Variants in NAALADL2 observed in about 807,000 individuals in gnomAD.
The protein encoded by NAALADL2 is N-acetylated alpha-linked acidic dipeptidase like 2, also known as inactive N-acetylated-alpha-linked acidic dipeptidase-like protein 2.
NAALADL2 carries 76 observed loss-of-function variants against 87.2 expected under a neutral mutation model. The observed-to-expected ratio is 0.87, with a 90% CI of 0.72 to 1.05. The LOEUF (loss-of-function observed/expected upper bound fraction) is 1.05. Ranked by LOEUF, NAALADL2 falls within the 50% of genes least tolerant of loss-of-function variation. The pLI, the probability that NAALADL2 is intolerant of heterozygous loss-of-function variation, is 0.00. For missense variants in NAALADL2, 1,089 were observed against 945.8 expected (o/e 1.15, Z -1.99); for synonymous variants, 354 against 331.0 (o/e 1.07, Z -0.75).
intron 3 of NAALADL2, among the ~76,000 whole-genome samples, chr3:174,772,800 G>T (rs1714743217): frequency 6.6e-6 from 1 of 152,168 alleles, no homozygotes; most frequent in African/African-American, 2.4e-5. Flanking sequence ...AAATGACCTT[G>T]TTCATGTCAG....
At chr3:175,696,593 T>A (rs1364345879) in intron 11 of NAALADL2, among the ~76,000 whole-genome samples, 2 of 151,896 alleles carry the variant, frequency 1.3e-5, no homozygotes, top group Non-Finnish European at 2.9e-5. Context: ...GTTTGTGAGA[T>A]GTGAAAGATT....
At chr3:174,600,943 T>G (rs1358656819) in intron 2 of NAALADL2, among the ~76,000 whole-genome samples, 1 of 152,176 alleles carries the variant, frequency 6.6e-6, no homozygotes, top group Non-Finnish European at 1.5e-5. Flanking sequence ...GAATTCAAAC[T>G]ATATCAGTAG....
intron 5 of NAALADL2, among the ~76,000 whole-genome samples, chr3:175,389,415 G>C (rs959428036): frequency 6.6e-6 from 1 of 152,118 alleles, no homozygotes; most frequent in African/African-American, 2.4e-5. Flanking sequence ...GGCTTTATAA[G>C]TTAAGTGTTA....
rs568555071 is a variant in NAALADL2, at chr3:174,933,179, T to C, written c.43+73729T>C. On this transcript the variant is annotated intron_variant, in intron 1 of 13. Coordinates refer to ENST00000454872, the MANE Select transcript of NAALADL2 (RefSeq NM_207015.3). ...GTTGACTCTGCTGAACCTTGCTGCC[T>C]TTTTACCCTTCTAATTAAGGGCATT... Among the ~76,000 whole-genome samples, 7 of 152,312 alleles carry C rather than the reference T, an allele frequency of 4.6e-5. No individual in the cohort carries two copies. In the East Asian group the frequency reaches 1.4e-3, roughly 29 times the overall value.
At chr3:174,760,480 G>A (rs369893385) in intron 3 of NAALADL2, among the ~76,000 whole-genome samples, 14 of 152,166 alleles carry the variant, frequency 9.2e-5, no homozygotes, top group African/African-American at 2.7e-4. Context: ...AGGGACTGTG[G>A]ACAGTCCAGA....
At chr3:175,214,406 T>C (rs990286748) in intron 2 of NAALADL2, among the ~76,000 whole-genome samples, 2 of 152,198 alleles carry the variant, frequency 1.3e-5, no homozygotes, top group African/African-American at 4.8e-5. Flanking sequence ...AAAGGATGGA[T>C]TCCGTCATGA....
intron 2 of NAALADL2, among the ~76,000 whole-genome samples, chr3:174,652,714 A>G (rs1724499577): frequency 6.6e-6 from 1 of 152,220 alleles, no homozygotes; most frequent in African/African-American, 2.4e-5. Flanking sequence ...GCCAAACCAT[A>G]TCACATAAAG....
chr3:175,417,243 C>G (rs976716873), intron 5 of NAALADL2, among the ~76,000 whole-genome samples: 3 of 151,470 alleles, frequency 2.0e-5, no homozygotes, highest in Non-Finnish European at 4.4e-5. Flanking sequence ...TGCATCTACT[C>G]TAATTAATTA....
intron 13 of NAALADL2, among the ~76,000 whole-genome samples, chr3:175,779,681 T>C (rs1560002393): frequency 6.6e-6 from 1 of 152,228 alleles, no homozygotes; most frequent in South Asian, 2.1e-4. Flanking sequence ...GGGAATACAA[T>C]GAAAATTAAG....
At chr3:175,186,581 A>G (rs1560135195) in intron 2 of NAALADL2, among the ~76,000 whole-genome samples, 3 of 152,166 alleles carry the variant, frequency 2.0e-5, no homozygotes, top group Non-Finnish European at 4.4e-5. Context: ...ATTTACACCT[A>G]AAGAGGTAAA....
At chr3:174,880,823 A>G (rs1169634042) in intron 1 of NAALADL2, among the ~76,000 whole-genome samples, 2 of 152,188 alleles carry the variant, frequency 1.3e-5, no homozygotes, top group East Asian at 3.9e-4. Context: ...TCTGAAGGGC[A>G]GAAATCTGAA....
intron 3 of NAALADL2, among the ~76,000 whole-genome samples, chr3:174,746,704 A>C (rs1734293289): frequency 6.6e-6 from 1 of 152,200 alleles, no homozygotes; most frequent in Non-Finnish European, 1.5e-5. Flanking sequence ...ACAATAACCA[A>C]AACAGCATGG....
At chr3:175,532,332 C>G (rs1029591415) in intron 9 of NAALADL2, among the ~76,000 whole-genome samples, 1 of 152,104 alleles carries the variant, frequency 6.6e-6, no homozygotes, top group African/African-American at 2.4e-5. Context: ...GGTAAAAGGC[C>G]TGAGTTGTCC....
chr3:174,558,307 G>A (rs1004166169), intron 2 of NAALADL2, among the ~76,000 whole-genome samples: 2 of 152,238 alleles, frequency 1.3e-5, no homozygotes, highest in African/African-American at 4.8e-5. Context: ...TTTGTGACCA[G>A]GGACTAGTTT....
At chr3:174,811,408 A>G (rs1175339752) in intron 3 of NAALADL2, among the ~76,000 whole-genome samples, 2 of 152,146 alleles carry the variant, frequency 1.3e-5, no homozygotes, top group East Asian at 1.9e-4. Context: ...TTGCACCAGT[A>G]TGCCCTGGAT....
intron 2 of NAALADL2, among the ~76,000 whole-genome samples, chr3:174,603,115 G>A (rs185750110): frequency 8.3e-4 from 127 of 152,150 alleles, no homozygotes; most frequent in African/African-American, 2.8e-3. Flanking sequence ...TCAGGATAAT[G>A]TGGGCCTCAT....
At chr3:174,450,654 G>A (rs975142712) in intron 1 of NAALADL2, among the ~76,000 whole-genome samples, 3 of 152,106 alleles carry the variant, frequency 2.0e-5, no homozygotes, top group Admixed American at 2.0e-4. Context: ...GGTGGATCAT[G>A]AGATCAGGAG....
chr3:174,873,778 A>G (rs980671950), intron 1 of NAALADL2, among the ~76,000 whole-genome samples: 1 of 151,778 alleles, frequency 6.6e-6, no homozygotes, highest in Non-Finnish European at 1.5e-5. Flanking sequence ...ACATCTAAAG[A>G]AACTAATAGC....
At chr3:175,419,905 A>G (rs1357119586) in intron 5 of NAALADL2, among the ~76,000 whole-genome samples, 1 of 152,024 alleles carries the variant, frequency 6.6e-6, no homozygotes, top group African/African-American at 2.4e-5. Flanking sequence ...ACAAGCAGTT[A>G]TAGTAGAAGG....
Sources: allele counts gnomAD v4.1 joint callset (sites outside exome capture counted in the v4.1 genomes callset), GRCh38; gene constraint gnomAD v4.1.1; transcripts MANE v1.5; gene names NCBI Gene and HGNC (gene_info 2026-07-23, HGNC 2026-07-21).